The following SH3RF2 variants were observed in gnomAD, a reference collection of about 807,000 sequenced individuals.
The protein encoded by SH3RF2 is SH3 domain containing ring finger 2.
A neutral mutation model predicts 59.0 loss-of-function variants in SH3RF2; 43 were observed. The observed-to-expected ratio is 0.73, with a 90% CI of 0.57 to 0.94. The LOEUF is 0.94. SH3RF2 is among the 40% of genes least tolerant of loss of function. The pLI is 0.00. For synonymous variants in SH3RF2, 391 were observed against 391.5 expected (o/e 1.00, Z 0.01); for missense variants, 930 against 940.1 (o/e 0.99, Z 0.14).
intron 1 of SH3RF2, 109 bp downstream of exon 1, chr5:145,936,803 C>T (rs1291393325): frequency 6.6e-6 from 1 of 152,290 alleles, no homozygotes; most frequent in African/African-American, 2.4e-5. Flanking sequence ...GTCTGTCCTG[C>T]TTACTAGTCG....
chr5:145,938,180 AG>A lies in SH3RF2; in HGVS notation c.257del (p.Gly86AlafsTer9). On this transcript the variant is annotated frameshift_variant, in exon 2 of 10. Coordinates refer to ENST00000359120, the MANE Select transcript of SH3RF2 (RefSeq NM_152550.4). LOFTEE classifies it high-confidence loss of function. ...GVRSGQSSGRGGSFRRPGTMT... is the reference protein window; with the variant it reads ...GVRSGQSSGRXGSFRRPGTMT... ...TGCGCTCAGGGCAGAGCTCCGGGAG[AG>A]GGGGCTCCTTCCGCAGGCCTGGCAC... is the stretch of plus-strand genomic sequence containing the variant. 1.2e-6 allele frequency: 2 copies of A among 1,614,012 alleles called. No homozygotes were observed. Among genetic ancestry groups the A allele is most frequent in the Non-Finnish European group, 1.7e-6 (2 of 1,180,014 alleles).
chr5:146,048,327 AG>A (rs1383089870), intron 6 of SH3RF2, among the ~76,000 whole-genome samples: 4 of 151,562 alleles, frequency 2.6e-5, no homozygotes, highest in Non-Finnish European at 5.9e-5. Context: ...AAAAAAAAAA[AG>A]ACAACACAAA....
Position 145,937,866 on chromosome 5 carries a change from G to A in SH3RF2, c.-63G>A. On this transcript the variant is annotated 5_prime_UTR_variant, in exon 2 of 10. Coordinates refer to ENST00000359120, the MANE Select transcript of SH3RF2 (RefSeq NM_152550.4). Reference sequence around the variant, plus strand: ...TCAAGAGACCAGCTCTGCCCCCGTGGCTCAACTGACCCTACCATGTGGACG... The same window carrying A: ...TCAAGAGACCAGCTCTGCCCCCGTGACTCAACTGACCCTACCATGTGGACG... 6.5e-7 allele frequency: 1 copy of A among 1,544,968 alleles called. No individual in the cohort carries two copies. The highest frequency in any genetic ancestry group is 8.7e-7 in the Non-Finnish European group (1 of 1,148,018).
chr5:145,950,539 CAGG>C (rs1188560334), intron 2 of SH3RF2, among the ~76,000 whole-genome samples: 1 of 151,680 alleles, frequency 6.6e-6, no homozygotes, highest in Non-Finnish European at 1.5e-5. Context: ...GAGAGGGAAA[CAGG>C]AGAAGGGGAA....
At chr5:146,015,450 TCACACACA>T (rs372366663) in intron 5 of SH3RF2, among the ~76,000 whole-genome samples, 3 of 151,188 alleles carry the variant, frequency 2.0e-5, no homozygotes, top group Non-Finnish European at 4.4e-5. Flanking sequence ...AAGTTCTCCT[TCACACACA>T]CACACACAAA....
chr5:146,062,922 C>T lies in SH3RF2; in HGVS notation c.*221C>T. ...ACATACAAACATAATGATTTGATGCCACAAAGCTCGCTTACTCAGACCAAG... is the reference window on the plus strand; with the variant it reads ...ACATACAAACATAATGATTTGATGCTACAAAGCTCGCTTACTCAGACCAAG... On this transcript the variant is annotated 3_prime_UTR_variant, in exon 10 of 10. Transcript: ENST00000359120. The T allele has an allele frequency of 1.6e-6, 1 of 621,096 alleles. No individual in the cohort carries two copies. 38.5% of individuals were successfully genotyped at this position (621,096 alleles called of 1,614,324 possible).
intron 7 of SH3RF2, among the ~76,000 whole-genome samples, chr5:146,055,301 A>C (rs1051570662): frequency 1.3e-5 from 2 of 152,242 alleles, no homozygotes; most frequent in Non-Finnish European, 2.9e-5. Flanking sequence ...TTGGGCAACC[A>C]ACTGTATAAG....
At chr5:145,945,582 A>G (rs917412328) in intron 2 of SH3RF2, among the ~76,000 whole-genome samples, 2 of 152,144 alleles carry the variant, frequency 1.3e-5, no homozygotes, top group Non-Finnish European at 2.9e-5. Context: ...TGGTCAAGGG[A>G]AGAAAAGGCA....
intron 2 of SH3RF2, among the ~76,000 whole-genome samples, chr5:145,968,018 A>G (rs1162212028): frequency 6.6e-6 from 1 of 152,144 alleles, no homozygotes; most frequent in Non-Finnish European, 1.5e-5. Context: ...GATATCCATG[A>G]ATTCCTGACA....
chr5:145,989,622 A>T (rs150050659), intron 2 of SH3RF2, among the ~76,000 whole-genome samples: 9 of 152,018 alleles, frequency 5.9e-5, no homozygotes, highest in African/African-American at 1.9e-4. Flanking sequence ...GGGCAATCTC[A>T]TGACCAGCTC....
In SH3RF2 at chr5:145,938,174, C is replaced by T. The variant is rs1156459483; in HGVS notation, c.246C>T (p.Ser82=). 3.1e-6 allele frequency: 5 copies of T among 1,613,936 alleles called. No individual in the cohort carries two copies. In the Admixed American group the frequency reaches 5.0e-5, roughly 16 times the overall value. ...ATGGAGTGCGCTCAGGGCAGAGCTCCGGGAGAGGGGGCTCCTTCCGCAGGC... is the reference window on the plus strand; with the variant it reads ...ATGGAGTGCGCTCAGGGCAGAGCTCTGGGAGAGGGGGCTCCTTCCGCAGGC... The part of the protein sequence containing the change: ...LLDGVRSGQS[S]GRGGSFRRPG... Residue 82 remains serine, a synonymous_variant, in exon 2 of 10, where the codon TCC becomes TCT. Coordinates refer to ENST00000359120, the MANE Select transcript of SH3RF2 (RefSeq NM_152550.4).
intron 3 of SH3RF2, among the ~76,000 whole-genome samples, chr5:146,000,707 C>A (rs9325000): frequency 6.6e-6 from 1 of 151,942 alleles, no homozygotes; most frequent in African/African-American, 2.4e-5. Context: ...GAAAATATTA[C>A]ACCACAATAT....
chr5:145,973,890 G>A (rs1357648638), intron 2 of SH3RF2, among the ~76,000 whole-genome samples: 2 of 152,174 alleles, frequency 1.3e-5, no homozygotes, highest in African/African-American at 4.8e-5. Context: ...GAAAAGAAGG[G>A]ACATTCATTT....
chr5:145,984,766 G>A (rs72652831), intron 2 of SH3RF2, among the ~76,000 whole-genome samples: 14,406 of 152,208 alleles, frequency 0.095, 997 homozygotes, highest in East Asian at 0.26. Context: ...CTTCTCCAAG[G>A]TCATGTCTAT....
intron 2 of SH3RF2, among the ~76,000 whole-genome samples, chr5:145,959,556 C>A (rs1758546847): frequency 6.6e-6 from 1 of 151,606 alleles, no homozygotes; most frequent in Non-Finnish European, 1.5e-5. Flanking sequence ...GGGCACTCTC[C>A]ATGACTTAGA....
intron 2 of SH3RF2, chr5:145,997,907 A>C: frequency 1.2e-6 from 1 of 867,928 alleles, no homozygotes; most frequent in Non-Finnish European, 2.0e-6. Context: ...CAAACACCAA[A>C]TCAGAATCCA....
rs1041333324 is a variant in SH3RF2, at chr5:146,014,119, A to G, written c.1059+58A>G. 7 of 1,565,944 alleles carry G rather than the reference A, an allele frequency of 4.5e-6. No homozygotes were observed. The African/African-American group carries it at 8.2e-5, about 18-fold the overall frequency. On this transcript the variant is annotated intron_variant, in intron 5 of 9. Transcript: ENST00000359120. Reference sequence around the variant, plus strand: ...TGGAGTTGGGCAAGTGATTCATACCATGTCACAACCAATATTTGATGTTTA... The same window carrying G: ...TGGAGTTGGGCAAGTGATTCATACCGTGTCACAACCAATATTTGATGTTTA...
chr5:146,028,908 C>T (rs1761640558), intron 5 of SH3RF2, among the ~76,000 whole-genome samples: 1 of 152,146 alleles, frequency 6.6e-6, no homozygotes, highest in Non-Finnish European at 1.5e-5. Flanking sequence ...AAAACACGAA[C>T]GCGCTCCTAG....
intron 2 of SH3RF2, among the ~76,000 whole-genome samples, chr5:145,943,977 G>A (rs1431018787): frequency 6.6e-6 from 1 of 152,160 alleles, no homozygotes; most frequent in African/African-American, 2.4e-5. Context: ...TCTCAGGAGA[G>A]AAGAAATGTG....
Sources: gnomAD v4.1 joint callset for allele counts (sites outside exome capture counted in the v4.1 genomes callset) on GRCh38, gnomAD v4.1.1 for gene constraint, MANE v1.5 for transcripts, NCBI Gene and HGNC (gene_info 2026-07-23, HGNC 2026-07-21) for gene names.